The following CIMAP1D variants were observed in gnomAD, a reference collection of about 807,000 sequenced individuals.
The protein encoded by CIMAP1D is protein CIMAP1D.
chr19:479,779 G>A, the CIMAP1D span, among the ~76,000 whole-genome samples: 2 of 152,008 alleles, frequency 1.3e-5, no homozygotes, highest in African/African-American at 2.4e-5. Context: ...CTTGTGATCC[G>A]CCTGCCTCGG....
chr19:488,307 G>A, the CIMAP1D span, among the ~76,000 whole-genome samples: 1 of 152,106 alleles, frequency 6.6e-6, no homozygotes, highest in African/African-American at 2.4e-5. Context: ...CAGATCACGA[G>A]GTCAGGAGAT....
the CIMAP1D span, chr19:489,919 G>A: frequency 1.0e-5 from 4 of 396,434 alleles, no homozygotes; most frequent in East Asian, 1.4e-4. Flanking sequence ...CCGACCCAGG[G>A]CGAACACCCA....
chr19:488,970 C>T, the CIMAP1D span, among the ~76,000 whole-genome samples: 3 of 152,018 alleles, frequency 2.0e-5, no homozygotes, highest in Admixed American at 2.0e-4. Context: ...CCGCCCGCCC[C>T]AAGCCCGCAT....
chr19:478,067 C>A, the CIMAP1D span, among the ~76,000 whole-genome samples: 2 of 152,262 alleles, frequency 1.3e-5, no homozygotes, highest in Admixed American at 6.5e-5. Flanking sequence ...CACTGCCCAA[C>A]CTTGGACACA....
the CIMAP1D span, among the ~76,000 whole-genome samples, chr19:466,630 A>G: frequency 9.1e-6 from 1 of 110,006 alleles, no homozygotes; most frequent in Non-Finnish European, 1.8e-5. Context: ...TGGTAGAAGC[A>G]TGGGTGGATA....
chr19:480,272 G>C, the CIMAP1D span, among the ~76,000 whole-genome samples: 1 of 152,246 alleles, frequency 6.6e-6, no homozygotes, highest in Non-Finnish European at 1.5e-5. Flanking sequence ...AGCCGATGCG[G>C]CGGGTCCTGC....
At chr19:483,783 G>A in the CIMAP1D span, among the ~76,000 whole-genome samples, 2 of 152,224 alleles carry the variant, frequency 1.3e-5, no homozygotes, top group Admixed American at 1.3e-4. Flanking sequence ...CATGGGGCCG[G>A]CTCTGGGATC....
the CIMAP1D span, among the ~76,000 whole-genome samples, chr19:468,328 T>A: frequency 1.3e-5 from 2 of 151,738 alleles, no homozygotes; most frequent in Non-Finnish European, 2.9e-5. Context: ...ATCGCGCCAC[T>A]GCACTCCAGC....
chr19:491,410 G>A, the CIMAP1D span, among the ~76,000 whole-genome samples: 1 of 152,212 alleles, frequency 6.6e-6, no homozygotes, highest in Non-Finnish European at 1.5e-5. Flanking sequence ...ACGCGACGCC[G>A]TGTGGCTTGT....
chr19:464,073 G>T, the CIMAP1D span: 1 of 1,568,678 alleles, frequency 6.4e-7, no homozygotes, highest in East Asian at 2.3e-5. Flanking sequence ...CTGGCGGTAG[G>T]TGTTTGCGTC....
chr19:479,570 A>G, the CIMAP1D span, among the ~76,000 whole-genome samples: 1 of 151,306 alleles, frequency 6.6e-6, no homozygotes, highest in Non-Finnish European at 1.5e-5. Context: ...ACGCCCGGCT[A>G]ATTTTTGTAT....
the CIMAP1D span, chr19:474,838 GT>G: frequency 8.8e-7 from 1 of 1,138,964 alleles, no homozygotes; most frequent in Non-Finnish European, 1.2e-6. Flanking sequence ...CCCAGGCACC[GT>G]CCCCACCTTC....
chr19:477,921 C>A, the CIMAP1D span, among the ~76,000 whole-genome samples: 1 of 152,226 alleles, frequency 6.6e-6, no homozygotes, highest in Non-Finnish European at 1.5e-5. Context: ...GACCTGCTTT[C>A]CCTCCCTCGA....
the CIMAP1D span, among the ~76,000 whole-genome samples, chr19:487,152 C>A: frequency 6.6e-6 from 1 of 152,174 alleles, no homozygotes; most frequent in Admixed American, 6.6e-5. Flanking sequence ...CCACGCCTCA[C>A]CTATTGCAGC....
chr19:474,388 G>A, the CIMAP1D span, among the ~76,000 whole-genome samples: 27 of 152,334 alleles, frequency 1.8e-4, no homozygotes, highest in African/African-American at 6.5e-4. Context: ...CCCCTGGAAG[G>A]GGACCCGGCT....
the CIMAP1D span, chr19:463,849 AGCAGCGGCCGG>A: frequency 6.2e-7 from 1 of 1,607,962 alleles, no homozygotes; most frequent in South Asian, 1.1e-5. Flanking sequence ...CTGGCCTAGC[AGCAGCGGCCGG>A]GCAGCCTGTG....
chr19:479,410 T>TG, the CIMAP1D span, among the ~76,000 whole-genome samples: 8 of 82,106 alleles, frequency 9.7e-5, no homozygotes, highest in East Asian at 4.0e-4. Flanking sequence ...TTTTTTTTTT[T>TG]TGGGGGGGGG....
At chr19:485,655 C>T in the CIMAP1D span, among the ~76,000 whole-genome samples, 2 of 152,330 alleles carry the variant, frequency 1.3e-5, no homozygotes, top group East Asian at 1.9e-4. Flanking sequence ...GTGTGAGCCA[C>T]GGTGCCAGCC....
chr19:487,959 C>T, the CIMAP1D span, among the ~76,000 whole-genome samples: 2 of 152,166 alleles, frequency 1.3e-5, no homozygotes, highest in African/African-American at 4.8e-5. Context: ...TGTGAAAACC[C>T]TTGTCCTGTT....
Sources: gnomAD v4.1 joint callset for allele counts (sites outside exome capture counted in the v4.1 genomes callset) on GRCh38, gnomAD v4.1.1 for gene constraint, MANE v1.5 for transcripts, NCBI Gene and HGNC (gene_info 2026-07-23, HGNC 2026-07-21) for gene names.